Variants in ROBO2 observed in about 807,000 individuals in gnomAD.
ROBO2 encodes roundabout guidance receptor 2, also known as roundabout homolog 2.
Under a neutral mutation model 160.8 loss-of-function variants are expected in ROBO2, and 53 were observed. That is an observed-to-expected ratio of 0.33 (90% CI 0.26 to 0.41). ROBO2 has a LOEUF of 0.41. Ranked by LOEUF, ROBO2 falls within the 10% of genes least tolerant of loss-of-function variation. The pLI, the probability that ROBO2 is intolerant of heterozygous loss-of-function variation, is 1.00. For synonymous variants in ROBO2, 664 were observed against 611.7 expected (o/e 1.09, Z -1.26); for missense variants, 1,577 against 1,722.4 (o/e 0.92, Z 1.49).
chr3:76,213,928 A>G (rs1393368387), intron 2 of ROBO2, among the ~76,000 whole-genome samples: 2 of 152,176 alleles, frequency 1.3e-5, no homozygotes, highest in African/African-American at 4.8e-5. Context: ...AGATAGATTT[A>G]GATGATATAG....
At position 76,048,188 on chromosome 3, in the gene ROBO2, G is replaced by A. The variant is rs370943346; in HGVS notation, c.109+110586G>A. On this transcript the variant is annotated intron_variant, in intron 2 of 26. Transcript: ENST00000487694. ...TCCCGTAGGTGGGCAGGTTTTTTATGCTAAAAAAAAGAAAATGGTTGCATT... is the reference window on the plus strand; with the variant it reads ...TCCCGTAGGTGGGCAGGTTTTTTATACTAAAAAAAAGAAAATGGTTGCATT... Among the ~76,000 whole-genome samples the A allele has an allele frequency of 2.7e-4, 41 of 152,132 alleles. 1 individual carries two copies. In the East Asian group the frequency reaches 2.9e-3, roughly 11 times the overall value.
At chr3:76,427,662 A>G (rs2076274375) in intron 2 of ROBO2, among the ~76,000 whole-genome samples, 1 of 152,214 alleles carries the variant, frequency 6.6e-6, no homozygotes, top group South Asian at 2.1e-4. Context: ...ACTGATAGTT[A>G]TTATTAAATA....
chr3:76,567,823 T>TTG (rs1560164114), intron 2 of ROBO2, among the ~76,000 whole-genome samples: 5 of 119,510 alleles, frequency 4.2e-5, no homozygotes, highest in African/African-American at 1.3e-4. Context: ...TTTTTTTTTT[T>TTG]GGGGGGGGTT....
intron 2 of ROBO2, among the ~76,000 whole-genome samples, chr3:76,350,608 C>T (rs1167573380): frequency 2.0e-5 from 3 of 151,940 alleles, no homozygotes; most frequent in African/African-American, 7.2e-5. Context: ...TTAATATAAT[C>T]ATTAATGACT....
At chr3:77,583,445 G>A (rs1209266180) in intron 16 of ROBO2, among the ~76,000 whole-genome samples, 2 of 151,992 alleles carry the variant, frequency 1.3e-5, no homozygotes, top group East Asian at 3.9e-4. Flanking sequence ...TTCTTCATGG[G>A]CAGAAGTGGA....
rs140978882 is a variant in ROBO2 at position 77,462,087 on chromosome 3, A to T, written c.389-15327A>T. On this transcript the variant is annotated intron_variant, in intron 2 of 25. Transcript: ENST00000461745. The stretch of plus-strand genomic sequence containing the variant: ...ACTTATAATTTGAGAGAGAAAAATA[A>T]CTTTTTATAAAATTGATAATTTTGG... 6.6e-5 allele frequency among the ~76,000 whole-genome samples: 10 copies of T among 152,338 alleles called. No homozygotes were observed. The East Asian group carries it at 1.2e-3, about 18-fold the overall frequency.
chr3:75,957,720 CT>C (rs1948772204), intron 2 of ROBO2, among the ~76,000 whole-genome samples: 1 of 148,208 alleles, frequency 6.7e-6, no homozygotes, highest in Admixed American at 6.7e-5. Context: ...TTTTTTTCAT[CT>C]TTGGAAAGTA....
At chr3:76,367,502 A>G (rs925522419) in intron 2 of ROBO2, among the ~76,000 whole-genome samples, 1 of 152,008 alleles carries the variant, frequency 6.6e-6, no homozygotes, top group African/African-American at 2.4e-5. Context: ...CATTTACTGC[A>G]TCACAACTTC....
intron 2 of ROBO2, among the ~76,000 whole-genome samples, chr3:77,185,140 A>C (rs79483511): frequency 0.075 from 11,415 of 152,088 alleles, 491 homozygotes; most frequent in African/African-American, 0.11. Flanking sequence ...TGAGAGGTAG[A>C]ATGATAGTTC....
At chr3:76,761,355 G>T (rs1176014870) in intron 2 of ROBO2, among the ~76,000 whole-genome samples, 1 of 151,662 alleles carries the variant, frequency 6.6e-6, no homozygotes, top group African/African-American at 2.4e-5. Context: ...CTCCTTGCAT[G>T]CAGGGTGACC....
At chr3:76,187,554 A>G (rs1374148260) in intron 2 of ROBO2, among the ~76,000 whole-genome samples, 1 of 152,130 alleles carries the variant, frequency 6.6e-6, no homozygotes, top group Non-Finnish European at 1.5e-5. Flanking sequence ...GATTAAAGGC[A>G]TGAGACACCA....
intron 2 of ROBO2, among the ~76,000 whole-genome samples, chr3:77,430,264 A>C (rs1176031851): frequency 1.3e-5 from 2 of 152,096 alleles, no homozygotes; most frequent in African/African-American, 4.8e-5. Flanking sequence ...GGAAGCTTGG[A>C]AAGGAAGGCT....
chr3:77,051,958 G>T (rs1436241446), intron 1 of ROBO2, among the ~76,000 whole-genome samples: 10 of 152,216 alleles, frequency 6.6e-5, no homozygotes, highest in Non-Finnish European at 1.0e-4. Context: ...ACATAAAACA[G>T]AATTATTTAG....
chr3:76,101,316 A>G (rs1410422604), intron 2 of ROBO2, among the ~76,000 whole-genome samples: 1 of 152,190 alleles, frequency 6.6e-6, no homozygotes, highest in Non-Finnish European at 1.5e-5. Context: ...GCAACACTAT[A>G]CAGACAGCAG....
chr3:77,121,859 C>A (rs936588398), intron 2 of ROBO2, among the ~76,000 whole-genome samples: 1 of 152,000 alleles, frequency 6.6e-6, no homozygotes, highest in Non-Finnish European at 1.5e-5. Flanking sequence ...TAATTATGTT[C>A]TGGAAATTTT....
intron 2 of ROBO2, among the ~76,000 whole-genome samples, chr3:76,122,139 G>A (rs916300356): frequency 2.6e-5 from 4 of 152,134 alleles, no homozygotes; most frequent in Non-Finnish European, 5.9e-5. Flanking sequence ...TCATTTTACA[G>A]ATGAAGAAAA....
chr3:77,139,273 G>C (rs999472527), intron 2 of ROBO2, among the ~76,000 whole-genome samples: 1 of 151,976 alleles, frequency 6.6e-6, no homozygotes, highest in Non-Finnish European at 1.5e-5. Context: ...TTCTGATGTT[G>C]AAAACCTTGT....
At chr3:76,159,274 C>A (rs2072527071) in intron 2 of ROBO2, among the ~76,000 whole-genome samples, 1 of 152,174 alleles carries the variant, frequency 6.6e-6, no homozygotes, top group African/African-American at 2.4e-5. Flanking sequence ...CAACTCCTTT[C>A]ATACAAGCCC....
intron 2 of ROBO2, among the ~76,000 whole-genome samples, chr3:76,170,453 C>T (rs2073001215): frequency 6.6e-6 from 1 of 152,116 alleles, no homozygotes; most frequent in Admixed American, 6.6e-5. Flanking sequence ...GTTGACAAGG[C>T]CCTACCTTCC....
Sources: gnomAD v4.1 joint callset for allele counts (sites outside exome capture counted in the v4.1 genomes callset) on GRCh38, gnomAD v4.1.1 for gene constraint, MANE v1.5 for transcripts, NCBI Gene and HGNC (gene_info 2026-07-23, HGNC 2026-07-21) for gene names.